ITFG1: variants seen among roughly 807,000 people sequenced by gnomAD.
ITFG1 encodes T-cell immunomodulatory protein.
ITFG1 carries 34 observed loss-of-function variants against 81.8 expected under a neutral mutation model. That is an observed-to-expected ratio of 0.42 (90% CI 0.32 to 0.55). The LOEUF (loss-of-function observed/expected upper bound fraction) is 0.55. Among genes scored for constraint, ITFG1 ranks in the 20% least tolerant of loss-of-function variants. ITFG1 has a pLI of 0.17. For missense variants in ITFG1, 672 were observed against 755.4 expected (o/e 0.89, Z 1.29); for synonymous variants, 285 against 270.6 (o/e 1.05, Z -0.52).
chr16:47,408,324 T>C (rs1289711045), intron 6 of ITFG1, among the ~76,000 whole-genome samples: 1 of 152,210 alleles, frequency 6.6e-6, no homozygotes, highest in East Asian at 1.9e-4. Context: ...ACACTTGCCC[T>C]TTTAAATGTC....
chr16:47,438,245 G>A (rs967793366), intron 5 of ITFG1, among the ~76,000 whole-genome samples: 2 of 152,080 alleles, frequency 1.3e-5, no homozygotes, highest in African/African-American at 4.8e-5. Flanking sequence ...GCCTCTGTAG[G>A]CTCCACCGCT....
rs182543434 is a variant in ITFG1, at chr16:47,348,392, C to T, written c.802+17396G>A. On this transcript the variant is annotated intron_variant, in intron 8 of 17. Coordinates refer to ENST00000320640, the MANE Select transcript of ITFG1 (RefSeq NM_030790.5). ...GGACCTGATGGAGCTGAAAACCATG[C>T]ACAAGAACTACGTGACAAATGCATA... Among the ~76,000 whole-genome samples, 10 of 152,296 alleles carry T rather than the reference C, an allele frequency of 6.6e-5. No homozygotes were observed. In the East Asian group the frequency reaches 1.9e-3, roughly 29 times the overall value.
intron 6 of ITFG1, among the ~76,000 whole-genome samples, chr16:47,394,985 C>T (rs1324466404): frequency 6.6e-6 from 1 of 152,030 alleles, no homozygotes; most frequent in Non-Finnish European, 1.5e-5. Context: ...GTTTTTCATG[C>T]CAATATACAA....
At chr16:47,266,729 C>T (rs1401393339) in intron 10 of ITFG1, among the ~76,000 whole-genome samples, 1 of 152,068 alleles carries the variant, frequency 6.6e-6, no homozygotes, top group African/African-American at 2.4e-5. Context: ...GAAAACATGG[C>T]TACACAGAAA....
At chr16:47,373,472 G>A (rs529317451) in intron 7 of ITFG1, among the ~76,000 whole-genome samples, 1 of 152,138 alleles carries the variant, frequency 6.6e-6, no homozygotes, top group African/African-American at 2.4e-5. Flanking sequence ...GTAGAGACGG[G>A]GTTTCACCAT....
At chr16:47,456,918 G>C (rs2151620362) in intron 2 of ITFG1, among the ~76,000 whole-genome samples, 1 of 152,210 alleles carries the variant, frequency 6.6e-6, no homozygotes, top group East Asian at 1.9e-4. Flanking sequence ...AAACAAAAAT[G>C]CAGGATAGGT....
intron 13 of ITFG1, among the ~76,000 whole-genome samples, 163 bp from the exon 14 acceptor site, chr16:47,219,109 T>A (rs1274471354): frequency 1.3e-5 from 2 of 152,112 alleles, no homozygotes; most frequent in African/African-American, 4.8e-5. Context: ...TTTCCTAGGA[T>A]CTTAGTGTTA....
chr16:47,401,134 G>T (rs1053074817), intron 6 of ITFG1, among the ~76,000 whole-genome samples: 2 of 152,160 alleles, frequency 1.3e-5, no homozygotes, highest in Non-Finnish European at 2.9e-5. Flanking sequence ...AAAGTTTTTA[G>T]GAGGGGGTAT....
intron 14 of ITFG1, among the ~76,000 whole-genome samples, chr16:47,163,526 CATTA>C (rs1231980479): frequency 1.2e-4 from 19 of 152,298 alleles, no homozygotes; most frequent in African/African-American, 4.3e-4. Context: ...CATTTTGTTT[CATTA>C]ATTAATTTCA....
rs906579562 is a variant in ITFG1 at position 47,218,951 on chromosome 16, A to G, written c.1375-5T>C. On this transcript the variant is annotated splice_polypyrimidine_tract_variant and splice_region_variant and intron_variant, in intron 13 of 17. Transcript: ENST00000320640. ...AGGTTGATTCACTCCAAAGGGCTGC[A>G]ATAGAAAAAAAAAATAGTTAAGGCT... 3 of 1,566,168 alleles carry G rather than the reference A, an allele frequency of 1.9e-6. No individual in the cohort carries two copies. Among genetic ancestry groups the G allele is most frequent in the African/African-American group, 2.8e-5 (2 of 72,468 alleles).
At chr16:47,451,206 G>A (rs1161441742) in intron 5 of ITFG1, among the ~76,000 whole-genome samples, 190 bp downstream of exon 5, 1 of 152,112 alleles carries the variant, frequency 6.6e-6, no homozygotes, top group East Asian at 1.9e-4. Context: ...AGAGATAAAA[G>A]GAGTAAGCTG....
intron 14 of ITFG1, among the ~76,000 whole-genome samples, chr16:47,198,705 C>A (rs2151519860): frequency 6.6e-6 from 1 of 152,176 alleles, no homozygotes; most frequent in South Asian, 2.1e-4. Flanking sequence ...TCTAGTGGAA[C>A]AAGATGTGGA....
In ITFG1 at chr16:47,425,392, T is replaced by C. The variant is rs867695704; in HGVS notation, c.655+3412A>G. ...TAGGAAAGGAAATCCCCTGACCCCC[T>C]GCAGTTCCTGGGTAAGGCGACACCC... is the stretch of plus-strand genomic sequence containing the variant. On this transcript the variant is annotated intron_variant, in intron 6 of 17. Coordinates refer to ENST00000320640, the MANE Select transcript of ITFG1 (RefSeq NM_030790.5). Among the ~76,000 whole-genome samples the C allele has an allele frequency of 2.0e-5, 3 of 152,212 alleles. 1 individual carries two copies. Among genetic ancestry groups the C allele is most frequent in the Non-Finnish European group, 2.9e-5 (2 of 67,992 alleles).
At chr16:47,156,603 A>G (rs1382476893) in intron 17 of ITFG1, among the ~76,000 whole-genome samples, 1 of 152,218 alleles carries the variant, frequency 6.6e-6, no homozygotes, top group Non-Finnish European at 1.5e-5. Context: ...ACTGTAGTTC[A>G]AGATAAAAAG....
Position 47,459,302 on chromosome 16 carries a change from CCT to C in ITFG1, c.209-129_209-128del. ...TTTTATTCTACTCCAGTTCATCTGC[CCT>C]CTCAAGCATAGTCCCACTAGTCCAA... On this transcript the variant is annotated intron_variant, in intron 1 of 17. Transcript: ENST00000320640. The C allele has an allele frequency of 1.4e-5, 9 of 647,132 alleles. No individual in the cohort carries two copies. In the South Asian group the frequency reaches 1.6e-4, roughly 12 times the overall value. The allele number at this position is 647,132 out of a possible 1,614,324, so 40.1% of individuals were successfully genotyped here.
intron 17 of ITFG1, among the ~76,000 whole-genome samples, chr16:47,158,248 T>G (rs1305591001): frequency 6.6e-6 from 1 of 152,044 alleles, no homozygotes; most frequent in Non-Finnish European, 1.5e-5. Context: ...GCTTGCATCA[T>G]GGTGCCTGGC....
rs1206122629 is a variant in ITFG1, at chr16:47,352,983, C to G, written c.802+12805G>C. Among the ~76,000 whole-genome samples, 4 of 151,830 alleles carry G rather than the reference C, an allele frequency of 2.6e-5. No individual in the cohort carries two copies. In the East Asian group the frequency reaches 7.7e-4, roughly 29 times the overall value. ...GACAAAAAACCAAACACCACATGTT[C>G]TCACTCATAGGTGGGAATTGAACAA... On this transcript the variant is annotated intron_variant, in intron 8 of 17. Coordinates refer to ENST00000320640, the MANE Select transcript of ITFG1 (RefSeq NM_030790.5).
chr16:47,201,342 G>C (rs1306564658), intron 14 of ITFG1, among the ~76,000 whole-genome samples: 2 of 151,622 alleles, frequency 1.3e-5, no homozygotes, highest in African/African-American at 4.8e-5. Context: ...CCAAGTAGCT[G>C]GGACTACAGG....
intron 12 of ITFG1, among the ~76,000 whole-genome samples, chr16:47,249,360 A>G (rs1354014006): frequency 6.6e-6 from 1 of 152,208 alleles, no homozygotes; most frequent in Non-Finnish European, 1.5e-5. Context: ...CAGAGGTTGT[A>G]GTGAGCCAAG....
Sources: allele counts gnomAD v4.1 joint callset (sites outside exome capture counted in the v4.1 genomes callset), GRCh38; gene constraint gnomAD v4.1.1; transcripts MANE v1.5; gene names NCBI Gene and HGNC (gene_info 2026-07-23, HGNC 2026-07-21).